CTNND2: variants seen among roughly 807,000 people sequenced by gnomAD.
The protein encoded by CTNND2 is catenin delta-2.
Under a neutral mutation model 144.4 loss-of-function variants are expected in CTNND2, and 22 were observed. That is an observed-to-expected ratio of 0.15 (90% CI 0.11 to 0.22). The LOEUF (loss-of-function observed/expected upper bound fraction) is 0.22, where lower values mean the gene tolerates loss of function less well. CTNND2 is among the 10% of genes least tolerant of loss of function. The pLI is 1.00. For synonymous variants in CTNND2, 751 were observed against 695.6 expected (o/e 1.08, Z -1.25); for missense variants, 1,353 against 1,618.8 (o/e 0.84, Z 2.82).
intron 1 of CTNND2, among the ~76,000 whole-genome samples, chr5:11,892,881 T>C (rs928295258): frequency 1.3e-5 from 2 of 152,220 alleles, no homozygotes; most frequent in African/African-American, 4.8e-5. Context: ...GCTTTCAAAA[T>C]TCTTATCCTC....
intron 1 of CTNND2, among the ~76,000 whole-genome samples, chr5:11,762,583 T>C (rs1789330835): frequency 6.6e-6 from 1 of 152,348 alleles, no homozygotes; most frequent in South Asian, 2.1e-4. Flanking sequence ...AAGCTTGCTT[T>C]AAGATGGATG....
At chr5:11,322,529 A>G (rs1433535242) in intron 9 of CTNND2, among the ~76,000 whole-genome samples, 1 of 152,222 alleles carries the variant, frequency 6.6e-6, no homozygotes, top group African/African-American at 2.4e-5. Flanking sequence ...CACTCTATAT[A>G]TAAAAGCAAC....
intron 1 of CTNND2, among the ~76,000 whole-genome samples, chr5:11,878,500 G>T (rs1001647415): frequency 1.3e-5 from 2 of 152,182 alleles, no homozygotes; most frequent in African/African-American, 4.8e-5. Flanking sequence ...GAAAACAGAT[G>T]CAAATGTTTG....
At chr5:11,015,446 CT>C (rs1741510845) in intron 18 of CTNND2, among the ~76,000 whole-genome samples, 1 of 152,204 alleles carries the variant, frequency 6.6e-6, no homozygotes, top group African/African-American at 2.4e-5. Flanking sequence ...CCAGTCCATC[CT>C]TCTTGAATCT....
chr5:11,218,330 G>C (rs970707318), intron 10 of CTNND2, among the ~76,000 whole-genome samples: 3 of 151,986 alleles, frequency 2.0e-5, no homozygotes, highest in African/African-American at 7.2e-5. Flanking sequence ...TCTTGTCATC[G>C]GAGTCATGCT....
intron 1 of CTNND2, among the ~76,000 whole-genome samples, chr5:11,882,181 T>C (rs889173597): frequency 1.3e-5 from 2 of 152,090 alleles, no homozygotes; most frequent in Non-Finnish European, 2.9e-5. Flanking sequence ...CTTCACTCTA[T>C]TGATTGTTTC....
At chr5:11,748,238 T>C (rs569685804) in intron 1 of CTNND2, among the ~76,000 whole-genome samples, 16 of 152,180 alleles carry the variant, frequency 1.1e-4, no homozygotes, top group East Asian at 1.9e-4. Context: ...CCAAGATACA[T>C]TGACATTTTT....
intron 5 of CTNND2, among the ~76,000 whole-genome samples, chr5:11,400,614 T>A (rs2149821360): frequency 6.6e-6 from 1 of 152,344 alleles, no homozygotes; most frequent in South Asian, 2.1e-4. Context: ...TATCCTTAAC[T>A]GGATAGAGAG....
intron 10 of CTNND2, among the ~76,000 whole-genome samples, chr5:11,203,513 G>C (rs1737715923): frequency 6.6e-6 from 1 of 152,128 alleles, no homozygotes; most frequent in African/African-American, 2.4e-5. Context: ...CGCGATCTTG[G>C]CTCACTGCAA....
rs568470548 is a variant in CTNND2, at chr5:11,072,667, A to T, written c.2788+10029T>A. On this transcript the variant is annotated intron_variant, in intron 16 of 21. Coordinates refer to ENST00000304623, the MANE Select transcript of CTNND2 (RefSeq NM_001332.4). ...GTCCCTTTGACTGGAGTCTGGCAGG[A>T]TGAACAACACGAGCTTTTTTCTTCT... is the stretch of plus-strand genomic sequence containing the variant. 1.3e-4 allele frequency among the ~76,000 whole-genome samples: 20 copies of T among 152,340 alleles called. No individual in the cohort carries two copies. In the East Asian group the frequency reaches 3.9e-3, roughly 29 times the overall value.
intron 2 of CTNND2, among the ~76,000 whole-genome samples, chr5:11,596,357 G>C (rs949009383): frequency 6.6e-6 from 1 of 152,164 alleles, no homozygotes; most frequent in Non-Finnish European, 1.5e-5. Flanking sequence ...ACTCTGTCAA[G>C]ACAGAGTGGG....
intron 9 of CTNND2, among the ~76,000 whole-genome samples, chr5:11,254,719 T>C (rs1160844958): frequency 6.6e-6 from 1 of 152,210 alleles, no homozygotes; most frequent in African/African-American, 2.4e-5. Context: ...ATGTATAAAA[T>C]ACTTTTCTGA....
chr5:11,686,515 T>G (rs1561693476), intron 2 of CTNND2, among the ~76,000 whole-genome samples: 1 of 151,998 alleles, frequency 6.6e-6, no homozygotes, highest in Non-Finnish European at 1.5e-5. Flanking sequence ...ATATTTGTTT[T>G]TTATATTTGC....
chr5:11,267,024 G>A (rs954399183), intron 9 of CTNND2, among the ~76,000 whole-genome samples: 8 of 152,072 alleles, frequency 5.3e-5, no homozygotes, highest in Non-Finnish European at 1.2e-4. Flanking sequence ...GACTACAGGC[G>A]CCCGCCACCA....
At chr5:11,229,469 T>A (rs2149881912) in intron 10 of CTNND2, among the ~76,000 whole-genome samples, 1 of 152,256 alleles carries the variant, frequency 6.6e-6, no homozygotes, top group South Asian at 2.1e-4. Flanking sequence ...TACAGCACGC[T>A]ATGATTGCAC....
At chr5:11,440,254 C>T (rs567864030) in intron 3 of CTNND2, among the ~76,000 whole-genome samples, 6 of 152,286 alleles carry the variant, frequency 3.9e-5, no homozygotes, top group African/African-American at 1.2e-4. Flanking sequence ...TGTGTGAACT[C>T]GCTCATGGCA....
intron 10 of CTNND2, among the ~76,000 whole-genome samples, chr5:11,229,173 C>A (rs1359520057): frequency 3.3e-5 from 5 of 152,124 alleles, no homozygotes; most frequent in African/African-American, 4.8e-5. Flanking sequence ...ACAAGTCAAT[C>A]CTTCTCACAT....
At chr5:11,854,520 A>G (rs1210370548) in intron 1 of CTNND2, among the ~76,000 whole-genome samples, 1 of 152,174 alleles carries the variant, frequency 6.6e-6, no homozygotes, top group Non-Finnish European at 1.5e-5. Context: ...GGAAGTTTAT[A>G]TTTGTTCTGT....
chr5:11,834,788 G>A (rs1231778964), intron 1 of CTNND2, among the ~76,000 whole-genome samples: 1 of 152,166 alleles, frequency 6.6e-6, no homozygotes, highest in Non-Finnish European at 1.5e-5. Flanking sequence ...ACAGGTCTTT[G>A]AATTTGCCCC....
Sources: gnomAD v4.1 joint callset for allele counts (sites outside exome capture counted in the v4.1 genomes callset) on GRCh38, gnomAD v4.1.1 for gene constraint, MANE v1.5 for transcripts, NCBI Gene and HGNC (gene_info 2026-07-23, HGNC 2026-07-21) for gene names.